Variants in TRAF3 observed in about 807,000 individuals in gnomAD.
TRAF3 encodes the protein TNF receptor associated factor 3.
Under a neutral mutation model 62.3 loss-of-function variants are expected in TRAF3, and 13 were observed. The observed-to-expected ratio is 0.21, with a 90% CI of 0.14 to 0.33. The LOEUF is 0.33. TRAF3 is among the 10% of genes least tolerant of loss of function. The pLI, the probability that TRAF3 is intolerant of heterozygous loss-of-function variation, is 1.00. For missense variants in TRAF3, 440 were observed against 741.8 expected (o/e 0.59, Z 4.73); for synonymous variants, 269 against 283.4 (o/e 0.95, Z 0.51).
chr14:102,842,998 G>C (rs1886467152), intron 2 of TRAF3, among the ~76,000 whole-genome samples: 1 of 151,916 alleles, frequency 6.6e-6, no homozygotes, highest in Admixed American at 6.6e-5. Context: ...ACCTGAGGTC[G>C]GGAGTTTGAG....
At position 102,871,979 on chromosome 14, in the gene TRAF3, GT is replaced by G. The variant is rs751070927; in HGVS notation, c.297+19del. On this transcript the variant is annotated intron_variant, in intron 4 of 11. Transcript: ENST00000392745. The stretch of plus-strand genomic sequence containing the variant: ...ATCGTTAAAGATAAGGTATTCTGGG[GT>G]TTTTTTTAATCATTTTGTCACATGT... 3.7e-6 allele frequency: 6 copies of G among 1,612,332 alleles called. No homozygotes were observed. The highest frequency in any genetic ancestry group is 1.3e-5 in the African/African-American group (1 of 74,992).
At chr14:102,854,820 T>A (rs561295409) in intron 2 of TRAF3, among the ~76,000 whole-genome samples, 3,703 of 136,210 alleles carry the variant, frequency 0.027, 150 homozygotes, top group African/African-American at 0.097. Context: ...TTTTTTTTTT[T>A]AACAATGTTT....
intron 1 of TRAF3, among the ~76,000 whole-genome samples, chr14:102,811,474 C>T (rs1351149431): frequency 6.6e-6 from 1 of 151,554 alleles, no homozygotes; most frequent in Non-Finnish European, 1.5e-5. Flanking sequence ...TAGGCCCGTG[C>T]CGCCATGCCT....
At chr14:102,897,584 G>C (rs994698340) in intron 10 of TRAF3, among the ~76,000 whole-genome samples, 183 bp downstream of exon 10, 8 of 152,166 alleles carry the variant, frequency 5.3e-5, no homozygotes, top group African/African-American at 1.7e-4. Context: ...GCCCGGCCTG[G>C]GAAGCCGCAG....
intron 1 of TRAF3, among the ~76,000 whole-genome samples, chr14:102,816,188 C>T (rs1003931913): frequency 3.3e-5 from 5 of 151,938 alleles, no homozygotes; most frequent in South Asian, 2.1e-4. Flanking sequence ...CTTCAACCTC[C>T]GCCTCCTGGG....
intron 1 of TRAF3, among the ~76,000 whole-genome samples, chr14:102,824,965 C>T (rs1221808892): frequency 1.3e-5 from 2 of 152,232 alleles, no homozygotes; most frequent in Non-Finnish European, 2.9e-5. Flanking sequence ...TCTCTTCCTG[C>T]AGAAAGAGAA....
chr14:102,818,366 TTAG>T (rs1286990954), intron 1 of TRAF3, among the ~76,000 whole-genome samples: 2 of 152,236 alleles, frequency 1.3e-5, no homozygotes, highest in Non-Finnish European at 2.9e-5. Context: ...TTCAGCCTTC[TTAG>T]TAGAAAGCTC....
intron 2 of TRAF3, among the ~76,000 whole-genome samples, chr14:102,864,472 T>C (rs1887868333): frequency 6.6e-6 from 1 of 152,116 alleles, no homozygotes. Flanking sequence ...TTTTAAAATG[T>C]GTATATTGAA....
At chr14:102,882,700 G>A (rs537136029) in intron 6 of TRAF3, among the ~76,000 whole-genome samples, 1 of 151,884 alleles carries the variant, frequency 6.6e-6, no homozygotes, top group South Asian at 2.1e-4. Context: ...TACACTCCCT[G>A]TGTTCTGTGG....
intron 1 of TRAF3, among the ~76,000 whole-genome samples, chr14:102,787,519 C>CAAA (rs775633084): frequency 2.7e-5 from 3 of 112,886 alleles, no homozygotes; most frequent in East Asian, 2.5e-4. Context: ...TCTACTAAAC[C>CAAA]AAAAAAAAAA....
rs761284018 is a variant in TRAF3, at chr14:102,905,374, G to A, written c.1297G>A (p.Val433Ile). 43 of 1,614,150 alleles carry A rather than the reference G, an allele frequency of 2.7e-5. No individual in the cohort carries two copies. Among genetic ancestry groups the A allele is most frequent in the Non-Finnish European group, 3.1e-5 (37 of 1,180,056 alleles). ...RDYKRRKQEA[V>I]MGKTLSLYSQ... ...CTACAAGCGGCGGAAGCAGGAGGCC[G>A]TCATGGGGAAGACCCTGTCCCTTTA... Residue 433 changes from valine (V) to isoleucine (I), a missense_variant, in exon 12 of 12, where the codon GTC (valine) becomes ATC (isoleucine). Val to Ile is a conservative substitution (Grantham distance 29). Around this residue, in one of 6 missense-constraint regions of TRAF3, gnomAD observed 42 missense variants for 86.1 expected, o/e 0.49. Transcript: ENST00000392745.
At chr14:102,824,430 C>A (rs1900171330) in intron 1 of TRAF3, among the ~76,000 whole-genome samples, 1 of 152,162 alleles carries the variant, frequency 6.6e-6, no homozygotes, top group African/African-American at 2.4e-5. Context: ...TATTATTTTT[C>A]TTCTCTCTGC....
intron 1 of TRAF3, among the ~76,000 whole-genome samples, 165 bp downstream of exon 1, chr14:102,777,840 G>T (rs961536609): frequency 6.8e-6 from 1 of 146,570 alleles, no homozygotes; most frequent in Non-Finnish European, 1.5e-5. Flanking sequence ...CGACGGCGGG[G>T]CGCGGCTTCA....
intron 2 of TRAF3, among the ~76,000 whole-genome samples, chr14:102,844,001 G>A (rs1048409664): frequency 1.3e-5 from 2 of 152,154 alleles, no homozygotes; most frequent in Non-Finnish European, 2.9e-5. Context: ...AGATAAAATA[G>A]ACAAATTTCT....
In TRAF3 at chr14:102,893,514, C is replaced by T. The variant is rs114714506; in HGVS notation, c.819+2097C>T. Among the ~76,000 whole-genome samples, 560 of 152,126 alleles carry T rather than the reference C, an allele frequency of 3.7e-3. 4 individuals carry two copies. The highest frequency in any genetic ancestry group is 0.012 in the African/African-American group (513 of 41,490). ...ACCGTGGTGTCATCTGGCAGCCTTT[C>T]GGGGCCTAATCCCTGTGGGGATTTG... On this transcript the variant is annotated intron_variant, in intron 9 of 11. Transcript: ENST00000392745.
intron 6 of TRAF3, among the ~76,000 whole-genome samples, chr14:102,880,172 T>C (rs1248588103): frequency 1.3e-5 from 2 of 152,176 alleles, no homozygotes; most frequent in Non-Finnish European, 2.9e-5. Context: ...CAGTAGTGTT[T>C]TTTTGGAGTC....
chr14:102,853,486 C>T (rs1244196577), intron 2 of TRAF3, among the ~76,000 whole-genome samples: 1 of 151,926 alleles, frequency 6.6e-6, no homozygotes, highest in East Asian at 1.9e-4. Flanking sequence ...ATTTACAAAA[C>T]AAAATTCACC....
In TRAF3 at chr14:102,905,727, A is replaced by G. The variant is rs772677792; in HGVS notation, c.1650A>G (p.Lys550=). 1 of 1,612,528 alleles carries G rather than the reference A, an allele frequency of 6.2e-7. No homozygotes were observed. Among genetic ancestry groups the G allele is most frequent in the Admixed American group, 1.7e-5 (1 of 59,926 alleles). The change falls in exon 12 of 12, where the codon AAA becomes AAG. Residue 550 remains lysine (K), a synonymous_variant. Transcript: ENST00000392745. ...QTVLENGTYI[K]DDTIFIKVIV... ...TTCTAGAAAATGGGACATATATTAA[A>G]GATGATACAATTTTTATTAAAGTCA...
chr14:102,890,780 T>A (rs1188733944), intron 8 of TRAF3, among the ~76,000 whole-genome samples: 2 of 152,224 alleles, frequency 1.3e-5, no homozygotes, highest in Non-Finnish European at 1.5e-5. Context: ...GTAACTTTTC[T>A]AAGAATACTG....
Sources: allele counts gnomAD v4.1 joint callset (sites outside exome capture counted in the v4.1 genomes callset), GRCh38; gene constraint gnomAD v4.1.1; regional missense constraint gnomAD v4.1.1; transcripts MANE v1.5; gene names NCBI Gene and HGNC (gene_info 2026-07-23, HGNC 2026-07-21).